CARMIL1: variants seen among roughly 807,000 people sequenced by gnomAD.
CARMIL1 encodes the protein capping protein regulator and myosin 1 linker 1.
CARMIL1 carries 90 observed loss-of-function variants against 177.1 expected under a neutral mutation model. The observed-to-expected ratio is 0.51, with a 90% CI of 0.43 to 0.61. The LOEUF (loss-of-function observed/expected upper bound fraction) is 0.61. Ranked by LOEUF, CARMIL1 falls within the 20% of genes least tolerant of loss-of-function variation. The probability of loss-of-function intolerance (pLI) is 0.00; values close to 1 mark genes in which losing one functional copy is unlikely to be tolerated. For synonymous variants in CARMIL1, 577 were observed against 606.2 expected, an observed-to-expected ratio of 0.95 and a Z score of 0.71; for missense variants, 1,380 against 1,667.0, an observed-to-expected ratio of 0.83 and a Z score of 3.00.
chr6:25,619,077 G>GC (rs990789014), intron 36 of CARMIL1, among the ~76,000 whole-genome samples: 46 of 152,156 alleles, frequency 3.0e-4, no homozygotes, highest in African/African-American at 1.1e-3. Flanking sequence ...TGAGGGGGCA[G>GC]CTATGACTGA....
chr6:25,452,189 G>T, intron 8 of CARMIL1: 1 of 764,602 alleles, frequency 1.3e-6, no homozygotes, highest in East Asian at 2.4e-5. Flanking sequence ...GTCTGTAGTT[G>T]TGGCTGATGG....
chr6:25,467,561 G>A (rs1474849269), intron 9 of CARMIL1, among the ~76,000 whole-genome samples: 1 of 152,180 alleles, frequency 6.6e-6, no homozygotes, highest in Non-Finnish European at 1.5e-5. Flanking sequence ...GGCAATTGCT[G>A]CTGCCATTCT....
chr6:25,320,406 G>C (rs1359059558), intron 2 of CARMIL1, among the ~76,000 whole-genome samples: 1 of 152,216 alleles, frequency 6.6e-6, no homozygotes. Context: ...TCAGAAGTAA[G>C]GAAAATGGTT....
chr6:25,316,421 G>T (rs1784275913), intron 2 of CARMIL1, among the ~76,000 whole-genome samples: 1 of 125,816 alleles, frequency 7.9e-6, no homozygotes, highest in African/African-American at 2.9e-5. Context: ...TATTCCAGAG[G>T]GCTTTTTTTT....
At chr6:25,483,817 G>T (rs1049656041) in intron 12 of CARMIL1, among the ~76,000 whole-genome samples, 4 of 151,780 alleles carry the variant, frequency 2.6e-5, no homozygotes, top group Non-Finnish European at 5.9e-5. Flanking sequence ...ACCTAGGCTG[G>T]AGTGCAGTGG....
chr6:25,523,174 G>A (rs1339311589), intron 23 of CARMIL1, among the ~76,000 whole-genome samples: 1 of 152,024 alleles, frequency 6.6e-6, no homozygotes, highest in African/African-American at 2.4e-5. Context: ...GCTGTGGTAT[G>A]GCAAAAGAAA....
chr6:25,607,536 C>T (rs914102980), intron 35 of CARMIL1, among the ~76,000 whole-genome samples: 7 of 152,072 alleles, frequency 4.6e-5, no homozygotes, highest in Admixed American at 3.9e-4. Context: ...TCTGTGTAGC[C>T]GCCAGATGTT....
chr6:25,593,434 A>G (rs543266606), intron 31 of CARMIL1, among the ~76,000 whole-genome samples: 3 of 152,340 alleles, frequency 2.0e-5, no homozygotes, highest in South Asian at 2.1e-4. Context: ...CTTCCTTAGC[A>G]TAAGGCTCAA....
chr6:25,616,595 A>T (rs72840503), intron 36 of CARMIL1, among the ~76,000 whole-genome samples: 20 of 152,228 alleles, frequency 1.3e-4, no homozygotes, highest in African/African-American at 4.8e-4. Flanking sequence ...AAATGCTTGC[A>T]TGCATACATA....
chr6:25,507,963 A>G, intron 17 of CARMIL1, among the ~76,000 whole-genome samples: 1 of 152,204 alleles, frequency 6.6e-6, no homozygotes, highest in Non-Finnish European at 1.5e-5. Context: ...ATAAACCAAT[A>G]CATTTATAAA....
chr6:25,459,266 C>CTTTCTTTCTTTCTTTCTTTCTTTCTTTTT, intron 8 of CARMIL1, among the ~76,000 whole-genome samples: 1 of 73,764 alleles, frequency 1.4e-5, no homozygotes, highest in Non-Finnish European at 3.0e-5. Flanking sequence ...TTCTTTCTTT[C>CTTTCTTTCTTTCTTTCTTTCTTTCTTTTT]TTTTTTTTTT....
chr6:25,373,575 ATC>A (rs1371592759), intron 2 of CARMIL1, among the ~76,000 whole-genome samples: 1 of 144,298 alleles, frequency 6.9e-6, no homozygotes, highest in Admixed American at 6.9e-5. Flanking sequence ...CTCAATTTTC[ATC>A]TCTCTCTCTC....
At chr6:25,353,523 ACT>A (rs1788306284) in intron 2 of CARMIL1, among the ~76,000 whole-genome samples, 1 of 151,924 alleles carries the variant, frequency 6.6e-6, no homozygotes, top group African/African-American at 2.4e-5. Flanking sequence ...TTCATTAAGG[ACT>A]CTAGGCTGCA....
intron 31 of CARMIL1, among the ~76,000 whole-genome samples, chr6:25,582,139 C>T (rs1163877576): frequency 6.6e-6 from 1 of 152,170 alleles, no homozygotes; most frequent in Non-Finnish European, 1.5e-5. Context: ...CAAAATCTTC[C>T]TTCTATATCT....
At chr6:25,595,260 A>G (rs1241504707) in intron 32 of CARMIL1, among the ~76,000 whole-genome samples, 1 of 107,352 alleles carries the variant, frequency 9.3e-6, no homozygotes, top group Non-Finnish European at 1.9e-5. Context: ...ATTTGTCTTT[A>G]TGAAGATTCT....
At position 25,423,634 on chromosome 6, in the gene CARMIL1, C is replaced by T. The variant is rs562343916; in HGVS notation, c.190-2867C>T. On this transcript the variant is annotated intron_variant, in intron 3 of 36. Coordinates refer to ENST00000329474, the MANE Select transcript of CARMIL1 (RefSeq NM_017640.6). ...GCATAGACTGCTGCCTGGGGAAGAGCGGGAGTTACTGAAGAACAGGCTCCT... is the reference window on the plus strand; with the variant it reads ...GCATAGACTGCTGCCTGGGGAAGAGTGGGAGTTACTGAAGAACAGGCTCCT... Among the ~76,000 whole-genome samples, 14 of 152,124 alleles carry T rather than the reference C, an allele frequency of 9.2e-5. No homozygotes were observed. In the East Asian group the frequency reaches 9.7e-4, roughly 10 times the overall value.
At chr6:25,362,560 G>C (rs1482971468) in intron 2 of CARMIL1, among the ~76,000 whole-genome samples, 1 of 152,114 alleles carries the variant, frequency 6.6e-6, no homozygotes, top group Non-Finnish European at 1.5e-5. Flanking sequence ...TGTAATCCCA[G>C]CTAATTGGGA....
At chr6:25,544,606 TACACACACACACACACAC>T (rs3034120) in intron 26 of CARMIL1, among the ~76,000 whole-genome samples, 5 of 142,416 alleles carry the variant, frequency 3.5e-5, no homozygotes, top group African/African-American at 5.3e-5. Context: ...GTTACTAGAC[TACACACACACACACACAC>T]ACACACACAC....
At chr6:25,398,904 T>C (rs1340900745) in intron 2 of CARMIL1, among the ~76,000 whole-genome samples, 2 of 152,326 alleles carry the variant, frequency 1.3e-5, no homozygotes, top group East Asian at 3.9e-4. Flanking sequence ...TCAATGTTGT[T>C]GGGACAAGTT....
Sources: gnomAD v4.1 joint callset for allele counts (sites outside exome capture counted in the v4.1 genomes callset) on GRCh38, gnomAD v4.1.1 for gene constraint, MANE v1.5 for transcripts, NCBI Gene and HGNC (gene_info 2026-07-23, HGNC 2026-07-21) for gene names.